LRMDA: variants seen among roughly 807,000 people sequenced by gnomAD.
The protein encoded by LRMDA is leucine rich melanocyte differentiation associated.
A neutral mutation model predicts 29.8 loss-of-function variants in LRMDA; 18 were observed. The observed-to-expected ratio is 0.60, with a 90% confidence interval of 0.42 to 0.90. LRMDA has a LOEUF of 0.90. Ranked by LOEUF, LRMDA falls within the 40% of genes least tolerant of loss-of-function variation. The probability of loss-of-function intolerance (pLI) is 0.00; values close to 1 mark genes in which losing one functional copy is unlikely to be tolerated. For synonymous variants in LRMDA, 125 were observed against 109.4 expected (o/e 1.14, Z -0.89); for missense variants, 273 against 273.9 (o/e 1.00, Z 0.02).
intron 3 of LRMDA, among the ~76,000 whole-genome samples, chr10:76,036,955 T>C (rs1848259164): frequency 6.6e-6 from 1 of 152,198 alleles, no homozygotes; most frequent in Admixed American, 6.5e-5. Context: ...GAATAGTGCC[T>C]GGCACCAAGT....
intron 2 of LRMDA, among the ~76,000 whole-genome samples, chr10:75,841,066 C>T (rs1439717102): frequency 6.6e-6 from 1 of 152,148 alleles, no homozygotes; most frequent in African/African-American, 2.4e-5. Flanking sequence ...CTCTGGGGTT[C>T]ATCTTCAGCA....
intron 2 of LRMDA, among the ~76,000 whole-genome samples, chr10:75,968,189 A>C (rs1016318924): frequency 4.6e-5 from 7 of 152,176 alleles, no homozygotes; most frequent in African/African-American, 1.7e-4. Flanking sequence ...CCTGTGAATC[A>C]TGTTAGTGGG....
intron 6 of LRMDA, among the ~76,000 whole-genome samples, chr10:76,366,564 G>T (rs1841393909): frequency 6.6e-6 from 1 of 152,116 alleles, no homozygotes; most frequent in African/African-American, 2.4e-5. Context: ...GCTTGCTGTT[G>T]GTGTATAGAA....
rs965663154 is a variant in LRMDA, at chr10:76,389,378, C to T, written c.601+64893C>T. Among the ~76,000 whole-genome samples, 3 of 152,192 alleles carry T rather than the reference C, an allele frequency of 2.0e-5. No individual in the cohort carries two copies. In the South Asian group the frequency reaches 6.2e-4, roughly 32 times the overall value. On this transcript the variant is annotated intron_variant, in intron 6 of 6. Coordinates refer to ENST00000611255, the MANE Select transcript of LRMDA (RefSeq NM_001305581.2). Reference sequence around the variant, plus strand: ...TTGCTTGATCACCATACTGAGAGATCACCAGGATGGTGATGTTACTGAATT... The same window carrying T: ...TTGCTTGATCACCATACTGAGAGATTACCAGGATGGTGATGTTACTGAATT...
intron 6 of LRMDA, among the ~76,000 whole-genome samples, chr10:76,530,751 T>C (rs893630522): frequency 6.6e-6 from 1 of 152,198 alleles, no homozygotes; most frequent in African/African-American, 2.4e-5. Context: ...AATTGTATCA[T>C]GGAATGAAAC....
At chr10:75,487,349 A>C (rs1844927580) in intron 2 of LRMDA, among the ~76,000 whole-genome samples, 1 of 152,196 alleles carries the variant, frequency 6.6e-6, no homozygotes, top group Non-Finnish European at 1.5e-5. Flanking sequence ...AAGGAGCTTG[A>C]GAGGTGCTTT....
chr10:76,454,073 C>T (rs986166670), intron 6 of LRMDA, among the ~76,000 whole-genome samples: 3 of 152,148 alleles, frequency 2.0e-5, no homozygotes, highest in Non-Finnish European at 4.4e-5. Context: ...TGGCTTACCA[C>T]GACAACCGTT....
chr10:75,954,281 A>G lies in LRMDA; in HGVS notation c.132-81727A>G, dbSNP rs1313512928. ...AGCATAGAACCCAGCTGAGGGGTGG[A>G]GCAGTTGTGTGCAGTCCTAGGATTG... On this transcript the variant is annotated intron_variant, in intron 2 of 6. Transcript: ENST00000611255. Among the ~76,000 whole-genome samples the G allele has an allele frequency of 2.6e-5, 4 of 152,162 alleles. No individual in the cohort carries two copies. In the East Asian group the frequency reaches 5.8e-4, roughly 22 times the overall value.
At chr10:76,413,834 A>G (rs1292069547) in intron 6 of LRMDA, among the ~76,000 whole-genome samples, 2 of 152,190 alleles carry the variant, frequency 1.3e-5, no homozygotes, top group African/African-American at 4.8e-5. Context: ...TAATGAATGA[A>G]TGTTACCTAC....
intron 2 of LRMDA, among the ~76,000 whole-genome samples, chr10:75,653,911 C>G (rs1433794303): frequency 6.6e-6 from 1 of 152,186 alleles, no homozygotes; most frequent in Non-Finnish European, 1.5e-5. Flanking sequence ...TTCCACGTCT[C>G]TCTGACTCAG....
At chr10:76,527,178 T>C (rs1286061012) in intron 6 of LRMDA, among the ~76,000 whole-genome samples, 7 of 152,124 alleles carry the variant, frequency 4.6e-5, no homozygotes, top group Admixed American at 2.6e-4. Flanking sequence ...TGAAGGATGA[T>C]TTCATAGTGA....
chr10:76,282,106 GT>G (rs1840213940), intron 5 of LRMDA, among the ~76,000 whole-genome samples: 1 of 152,170 alleles, frequency 6.6e-6, no homozygotes, highest in Non-Finnish European at 1.5e-5. Context: ...TATATTTTGT[GT>G]AAATCTGTCG....
intron 6 of LRMDA, among the ~76,000 whole-genome samples, chr10:76,367,791 G>T (rs571294602): frequency 6.6e-6 from 1 of 152,186 alleles, no homozygotes; most frequent in South Asian, 2.1e-4. Flanking sequence ...CTTGTTATTT[G>T]TCTGTTCAGG....
intron 2 of LRMDA, among the ~76,000 whole-genome samples, chr10:76,024,524 GACAT>G (rs1848029209): frequency 6.6e-6 from 1 of 152,210 alleles, no homozygotes; most frequent in Admixed American, 6.5e-5. Flanking sequence ...TCCTGCTGGA[GACAT>G]AAAGCTATCT....
chr10:76,538,374 T>G (rs942923141), intron 6 of LRMDA, among the ~76,000 whole-genome samples: 1 of 151,338 alleles, frequency 6.6e-6, no homozygotes, highest in African/African-American at 2.4e-5. Context: ...TTGTTTTTAC[T>G]TCTTTCTTAC....
chr10:75,920,017 C>G (rs189781550), intron 2 of LRMDA, among the ~76,000 whole-genome samples: 56 of 152,232 alleles, frequency 3.7e-4, no homozygotes, highest in Non-Finnish European at 6.3e-4. Context: ...GACTAAATCC[C>G]TTGAGTTGAG....
intron 6 of LRMDA, among the ~76,000 whole-genome samples, chr10:76,519,382 C>G (rs969350424): frequency 6.6e-6 from 1 of 152,130 alleles, no homozygotes; most frequent in Non-Finnish European, 1.5e-5. Context: ...CTAAAACAAA[C>G]AAAACCTATA....
chr10:75,668,790 T>C (rs1841856036), intron 2 of LRMDA, among the ~76,000 whole-genome samples: 1 of 152,188 alleles, frequency 6.6e-6, no homozygotes, highest in Non-Finnish European at 1.5e-5. Context: ...GTGTTAAGTT[T>C]GTGATGCTGA....
intron 2 of LRMDA, among the ~76,000 whole-genome samples, chr10:75,667,026 A>G (rs1382752033): frequency 6.6e-6 from 1 of 152,108 alleles, no homozygotes; most frequent in Non-Finnish European, 1.5e-5. Context: ...ATGGGTGTGG[A>G]TATTTGTAAT....
Sources: allele counts gnomAD v4.1 joint callset (sites outside exome capture counted in the v4.1 genomes callset), GRCh38; gene constraint gnomAD v4.1.1; transcripts MANE v1.5; gene names NCBI Gene and HGNC (gene_info 2026-07-23, HGNC 2026-07-21).